RAD18: variants seen among roughly 807,000 people sequenced by gnomAD.
The protein encoded by RAD18 is E3 ubiquitin-protein ligase RAD18.
Under a neutral mutation model 60.4 loss-of-function variants are expected in RAD18, and 47 were observed. That is an observed-to-expected ratio of 0.78 (90% confidence interval 0.62 to 0.99). The LOEUF is 0.99. Ranked by LOEUF, RAD18 falls within the 50% of genes least tolerant of loss-of-function variation. The pLI is 0.00. For missense variants in RAD18, 640 were observed against 593.3 expected (o/e 1.08, Z -0.82); for synonymous variants, 225 against 195.5 (o/e 1.15, Z -1.26).
At chr3:8,895,720 T>A (rs1939771969) in intron 11 of RAD18, among the ~76,000 whole-genome samples, 2 of 152,234 alleles carry the variant, frequency 1.3e-5, no homozygotes, top group African/African-American at 2.4e-5. Context: ...GTATACTGAG[T>A]TGGCCCACTT....
At chr3:8,915,552 A>G (rs1940184545) in intron 7 of RAD18, among the ~76,000 whole-genome samples, 1 of 151,908 alleles carries the variant, frequency 6.6e-6, no homozygotes, top group Admixed American at 6.5e-5. Flanking sequence ...GCTTGGACAC[A>G]GCGGGCATCA....
In RAD18 at chr3:8,881,251, G is replaced by T; in HGVS notation, c.*106C>A. 1 of 898,882 alleles carries T rather than the reference G, an allele frequency of 1.1e-6. No homozygotes were observed. The highest frequency in any genetic ancestry group is 1.7e-6 in the Non-Finnish European group (1 of 580,198). 55.7% of individuals were successfully genotyped at this position (898,882 alleles called of 1,614,324 possible). Reference sequence around the variant, plus strand: ...GAATATCAGCTAACCGTAATATTTAGAATTTAGCATCTTTCCTTGGGCATT... The same window carrying T: ...GAATATCAGCTAACCGTAATATTTATAATTTAGCATCTTTCCTTGGGCATT... On this transcript the variant is annotated 3_prime_UTR_variant, in exon 13 of 13. Transcript: ENST00000264926.
intron 11 of RAD18, among the ~76,000 whole-genome samples, chr3:8,898,689 A>G (rs1241403594): frequency 2.0e-5 from 3 of 152,108 alleles, no homozygotes; most frequent in Non-Finnish European, 4.4e-5. Context: ...GTAGAGACCA[A>G]ACTCACCCTG....
At chr3:8,937,558 T>C (rs1309574511) in intron 6 of RAD18, among the ~76,000 whole-genome samples, 1 of 152,060 alleles carries the variant, frequency 6.6e-6, no homozygotes, top group East Asian at 1.9e-4. Context: ...GTCAGAATAT[T>C]GTGGAGGAGA....
At chr3:8,906,757 G>T (rs1940007862) in intron 9 of RAD18, among the ~76,000 whole-genome samples, 1 of 146,398 alleles carries the variant, frequency 6.8e-6, no homozygotes, top group African/African-American at 2.5e-5. Context: ...TGGGCTAATA[G>T]AAATCTCTAT....
intron 12 of RAD18, among the ~76,000 whole-genome samples, chr3:8,886,580 G>C (rs1479001545): frequency 1.3e-5 from 2 of 152,218 alleles, no homozygotes; most frequent in South Asian, 2.1e-4. Flanking sequence ...TATTTATTGA[G>C]TGCCTATGCT....
At chr3:8,922,243 A>G (rs28865083) in intron 7 of RAD18, among the ~76,000 whole-genome samples, 9,291 of 152,308 alleles carry the variant, frequency 0.061, 910 homozygotes, top group African/African-American at 0.21. Flanking sequence ...CCACCCTACT[A>G]CTGCACTTCT....
At chr3:8,916,560 T>C (rs747679025) in intron 7 of RAD18, among the ~76,000 whole-genome samples, 3 of 152,256 alleles carry the variant, frequency 2.0e-5, no homozygotes, top group Non-Finnish European at 4.4e-5. Context: ...CAGCAAATTA[T>C]GATTAAGATG....
At chr3:8,963,216 C>T in intron 1 of RAD18, 119 bp downstream of exon 1, 2 of 1,165,702 alleles carry the variant, frequency 1.7e-6, no homozygotes, top group East Asian at 5.8e-5. Flanking sequence ...GCCGGATACC[C>T]GGGCCCAGTG....
At chr3:8,893,536 T>C (rs542611443) in intron 11 of RAD18, among the ~76,000 whole-genome samples, 3 of 152,220 alleles carry the variant, frequency 2.0e-5, no homozygotes, top group African/African-American at 4.8e-5. Context: ...ATAGCTTATA[T>C]GCCAAATATT....
At chr3:8,938,201 C>T (rs768547810) in intron 6 of RAD18, among the ~76,000 whole-genome samples, 1 of 152,162 alleles carries the variant, frequency 6.6e-6, no homozygotes, top group Non-Finnish European at 1.5e-5. Context: ...CATTAACAAA[C>T]TTACCCACTA....
intron 4 of RAD18, among the ~76,000 whole-genome samples, chr3:8,943,507 C>G (rs1940790492): frequency 6.6e-6 from 1 of 151,650 alleles, no homozygotes; most frequent in Non-Finnish European, 1.5e-5. Context: ...AAACCAAGCA[C>G]AGAGAGAAAA....
At chr3:8,895,292 A>C (rs533744026) in intron 11 of RAD18, among the ~76,000 whole-genome samples, 1 of 152,372 alleles carries the variant, frequency 6.6e-6, no homozygotes, top group Non-Finnish European at 1.5e-5. Flanking sequence ...TGTCACATTT[A>C]AGTTATAAAA....
intron 5 of RAD18, among the ~76,000 whole-genome samples, chr3:8,940,264 G>A (rs751988482): frequency 6.6e-6 from 1 of 152,124 alleles, no homozygotes; most frequent in Non-Finnish European, 1.5e-5. Flanking sequence ...ATAATAGGCA[G>A]AAGGAGGTCA....
rs758221443 is a variant in RAD18, at chr3:8,898,899, G to C, written c.1317C>G (p.Cys439Trp). The change falls in exon 11 of 13, where the codon TGC becomes TGG. Residue 439 changes from cysteine (C) to tryptophan (W), a missense_variant. Transcript: ENST00000264926. ...AACTACTGCATGTTTCTTACCTATT[G>C]CATGAATCTGATTCTGATGAAGAAA... The part of the protein sequence containing the change: ...EVLSSSESDS[C>W]NSSSSDIIRD... 3.8e-6 allele frequency: 6 copies of C among 1,582,900 alleles called. No individual in the cohort carries two copies. The highest frequency in any genetic ancestry group is 1.4e-5 in the African/African-American group (1 of 73,636).
rs1939392989 is a variant in RAD18 at position 8,878,026 on chromosome 3, G to C, written c.*3331C>G. 6.6e-6 allele frequency: 1 copy of C among 152,462 alleles called. No homozygotes were observed. The highest frequency in any genetic ancestry group is 2.4e-5 in the African/African-American group (1 of 41,464). The allele number at this position is 152,462 out of a possible 1,614,324, so 9.4% of individuals were successfully genotyped here. On this transcript the variant is annotated 3_prime_UTR_variant, in exon 13 of 13. Coordinates refer to ENST00000264926, the MANE Select transcript of RAD18 (RefSeq NM_020165.4). Reference sequence around the variant, plus strand: ...GGCTGCCCTAGCACTTGGCAGGTTTGCATCTTGGGGCTATATCGGGGATGG... The same window carrying C: ...GGCTGCCCTAGCACTTGGCAGGTTTCCATCTTGGGGCTATATCGGGGATGG...
At chr3:8,932,003 A>G (rs1429909654) in intron 7 of RAD18, among the ~76,000 whole-genome samples, 1 of 152,262 alleles carries the variant, frequency 6.6e-6, no homozygotes, top group African/African-American at 2.4e-5. Flanking sequence ...AAACTAAATG[A>G]AAATGGATCA....
At chr3:8,943,669 T>C (rs6773867) in intron 4 of RAD18, among the ~76,000 whole-genome samples, 8,911 of 152,004 alleles carry the variant, frequency 0.059, 835 homozygotes, top group African/African-American at 0.2. Flanking sequence ...AATCAACCCA[T>C]AGATTCCACC....
chr3:8,935,842 A>C (rs749267520), intron 7 of RAD18, 29 bp downstream of exon 7: 55 of 1,492,680 alleles, frequency 3.7e-5, no homozygotes, highest in Middle Eastern at 2.2e-4. Flanking sequence ...TCCAGAAAGT[A>C]AGCATAACTC....
Sources: allele counts gnomAD v4.1 joint callset (sites outside exome capture counted in the v4.1 genomes callset), GRCh38; gene constraint gnomAD v4.1.1; transcripts MANE v1.5; gene names NCBI Gene and HGNC (gene_info 2026-07-23, HGNC 2026-07-21).